LSAMP: variants seen among roughly 807,000 people sequenced by gnomAD.
LSAMP encodes limbic system associated membrane protein.
A neutral mutation model predicts 38.6 loss-of-function variants in LSAMP; 7 were observed. That is an observed-to-expected ratio of 0.18 (90% CI 0.10 to 0.34). The LOEUF (loss-of-function observed/expected upper bound fraction) is 0.34. Ranked by LOEUF, LSAMP falls within the 10% of genes least tolerant of loss-of-function variation. The probability of loss-of-function intolerance (pLI) is 1.00; values close to 1 mark genes in which losing one functional copy is unlikely to be tolerated. For synonymous variants in LSAMP, 154 were observed against 166.8 expected (o/e 0.92, Z 0.59); for missense variants, 313 against 420.0 (o/e 0.75, Z 2.23).
chr3:116,114,583 TA>T (rs1371203032), intron 1 of LSAMP, among the ~76,000 whole-genome samples: 1 of 152,056 alleles, frequency 6.6e-6, no homozygotes, highest in Non-Finnish European at 1.5e-5. Context: ...TGAGATGTAA[TA>T]AAACCAGACA....
chr3:116,279,299 A>C (rs2047096296), intron 1 of LSAMP, among the ~76,000 whole-genome samples: 2 of 152,230 alleles, frequency 1.3e-5, no homozygotes, highest in Admixed American at 1.3e-4. Flanking sequence ...ACACAAGAGC[A>C]CTGCCTAAAG....
intron 2 of LSAMP, among the ~76,000 whole-genome samples, chr3:116,061,225 C>T (rs1364761930): frequency 6.6e-6 from 1 of 152,206 alleles, no homozygotes; most frequent in African/African-American, 2.4e-5. Flanking sequence ...GCAGAGTCAG[C>T]ATTTGAATCC....
intron 3 of LSAMP, among the ~76,000 whole-genome samples, chr3:115,916,823 ATC>A (rs1487336508): frequency 5.9e-5 from 9 of 152,154 alleles, no homozygotes; most frequent in Admixed American, 3.3e-4. Flanking sequence ...CTATCTCTCT[ATC>A]TCTGTCACCC....
intron 1 of LSAMP, among the ~76,000 whole-genome samples, chr3:116,235,149 A>G (rs1559793830): frequency 1.4e-5 from 1 of 69,594 alleles, no homozygotes; most frequent in Non-Finnish European, 4.5e-5. Flanking sequence ...GTTTTTATTA[A>G]CTTTATTATT....
chr3:115,940,074 G>A (rs182719093), intron 3 of LSAMP, among the ~76,000 whole-genome samples: 24 of 152,150 alleles, frequency 1.6e-4, no homozygotes, highest in African/African-American at 5.3e-4. Flanking sequence ...TAATGGTGGC[G>A]CATCTGGAGT....
chr3:116,432,588 A>G (rs1036898575), intron 1 of LSAMP, among the ~76,000 whole-genome samples: 1 of 152,058 alleles, frequency 6.6e-6, no homozygotes, highest in Non-Finnish European at 1.5e-5. Flanking sequence ...AAAATTGTGC[A>G]TATTATCATT....
At chr3:115,822,590 C>T (rs909821047) in intron 6 of LSAMP, among the ~76,000 whole-genome samples, 1 of 152,100 alleles carries the variant, frequency 6.6e-6, no homozygotes, top group Non-Finnish European at 1.5e-5. Context: ...AAACTCCCAA[C>T]CTCAGGTGAT....
At chr3:116,140,082 C>CA (rs1183980968) in intron 1 of LSAMP, among the ~76,000 whole-genome samples, 1 of 151,916 alleles carries the variant, frequency 6.6e-6, no homozygotes, top group Admixed American at 6.6e-5. Context: ...TTAGACCTCT[C>CA]AAAATAAGAA....
intron 1 of LSAMP, among the ~76,000 whole-genome samples, chr3:116,402,260 T>G (rs1225172677): frequency 6.6e-6 from 1 of 152,214 alleles, no homozygotes; most frequent in Non-Finnish European, 1.5e-5. Context: ...ATCCATTCAT[T>G]AAGGTATGAT....
At chr3:115,838,712 T>G (rs1934878533) in intron 6 of LSAMP, among the ~76,000 whole-genome samples, 1 of 152,078 alleles carries the variant, frequency 6.6e-6, no homozygotes, top group Non-Finnish European at 1.5e-5. Context: ...CAGGAAAAAT[T>G]TACTATGAAT....
At chr3:116,211,653 G>A (rs891702762) in intron 1 of LSAMP, among the ~76,000 whole-genome samples, 5 of 152,170 alleles carry the variant, frequency 3.3e-5, no homozygotes, top group Admixed American at 2.6e-4. Flanking sequence ...GCTTAAATAT[G>A]TTAATGGGCA....
intron 1 of LSAMP, among the ~76,000 whole-genome samples, chr3:116,091,959 C>A (rs1708133981): frequency 6.6e-6 from 1 of 152,166 alleles, no homozygotes; most frequent in Non-Finnish European, 1.5e-5. Flanking sequence ...CTTAAAACTT[C>A]CTTTTTATGA....
At chr3:116,342,147 T>C (rs1411276191) in intron 1 of LSAMP, among the ~76,000 whole-genome samples, 2 of 152,090 alleles carry the variant, frequency 1.3e-5, no homozygotes, top group Non-Finnish European at 2.9e-5. Context: ...TTTGCCATGA[T>C]GTCATTGGAA....
rs5852010 is a variant in LSAMP, at chr3:116,410,492, A to ATTTT, written c.155+34381_155+34384dup. ...CTTTTGTAGGATTACCTAATTAGCC[A>ATTTT]TTTTTTTTTTAAACTGGGAACAAAC... On this transcript the variant is annotated intron_variant, in intron 1 of 6. Transcript: ENST00000490035. 3.6e-3 allele frequency among the ~76,000 whole-genome samples: 537 copies of ATTTT among 150,104 alleles called. 1 individual carries two copies. The highest frequency in any genetic ancestry group is 0.012 in the African/African-American group (502 of 41,028).
intron 2 of LSAMP, among the ~76,000 whole-genome samples, chr3:116,052,993 C>G (rs192973727): frequency 6.6e-6 from 1 of 152,276 alleles, no homozygotes; most frequent in African/African-American, 2.4e-5. Flanking sequence ...TCAGCCTGCT[C>G]TTAGTGGGGA....
At chr3:116,247,998 G>T (rs2046625614) in intron 1 of LSAMP, among the ~76,000 whole-genome samples, 1 of 152,148 alleles carries the variant, frequency 6.6e-6, no homozygotes, top group African/African-American at 2.4e-5. Context: ...AGAGTATGGT[G>T]CCCTTGGGAA....
chr3:116,343,523 C>T (rs1387412645), intron 1 of LSAMP, among the ~76,000 whole-genome samples: 1 of 152,050 alleles, frequency 6.6e-6, no homozygotes, highest in East Asian at 1.9e-4. Context: ...AGATAGTCAC[C>T]TGAGGCAGCC....
intron 1 of LSAMP, among the ~76,000 whole-genome samples, chr3:116,373,713 G>A (rs1347505588): frequency 6.6e-6 from 1 of 151,820 alleles, no homozygotes; most frequent in African/African-American, 2.4e-5. Flanking sequence ...AGAAGACTCT[G>A]AATGTCTTTG....
At chr3:116,060,312 A>G (rs1379756969) in intron 2 of LSAMP, among the ~76,000 whole-genome samples, 1 of 152,108 alleles carries the variant, frequency 6.6e-6, no homozygotes, top group Non-Finnish European at 1.5e-5. Context: ...AAATACATCA[A>G]ATATACCTTA....
Sources: gnomAD v4.1 joint callset for allele counts (sites outside exome capture counted in the v4.1 genomes callset) on GRCh38, gnomAD v4.1.1 for gene constraint, MANE v1.5 for transcripts, NCBI Gene and HGNC (gene_info 2026-07-23, HGNC 2026-07-21) for gene names.